The following NF1 variants were observed in gnomAD, a reference collection of about 807,000 sequenced individuals.
The protein encoded by NF1 is neurofibromin.
In NF1, 122 loss-of-function variants were observed where a neutral mutation model predicts 325.7. The observed-to-expected ratio is 0.37, with a 90% CI of 0.32 to 0.44. The LOEUF (loss-of-function observed/expected upper bound fraction) is 0.44. Ranked by LOEUF, NF1 falls within the 20% of genes least tolerant of loss-of-function variation. The pLI is 1.00. For missense variants in NF1, 2,140 were observed against 3,415.4 expected (o/e 0.63, Z 9.31); for synonymous variants, 1,091 against 1,186.0 (o/e 0.92, Z 1.65).
intron 1 of NF1, among the ~76,000 whole-genome samples, chr17:31,149,771 T>A (rs1273037209): frequency 6.6e-6 from 1 of 152,086 alleles, no homozygotes; most frequent in Non-Finnish European, 1.5e-5. Context: ...GTCAAATATA[T>A]CCAGCCACTG....
At chr17:31,366,308 T>C (rs2070519327) in intron 57 of NF1, among the ~76,000 whole-genome samples, 1 of 152,100 alleles carries the variant, frequency 6.6e-6, no homozygotes, top group East Asian at 1.9e-4. Context: ...TTAGTATTGG[T>C]GCGTGAATTT....
chr17:31,225,156 C>G lies in NF1; in HGVS notation c.1907C>G (p.Ser636Cys), dbSNP rs780412565. 7 of 1,613,550 alleles carry G rather than the reference C, an allele frequency of 4.3e-6. No individual in the cohort carries two copies. The highest frequency in any genetic ancestry group is 1.7e-5 in the Admixed American group (1 of 59,970). Residue 636 changes from serine (S) to cysteine (C), a missense_variant, in exon 17 of 58, where the codon TCT (serine) becomes TGT (cysteine). Ser to Cys is a moderately radical substitution (Grantham distance 112, BLOSUM62 -1). Around this residue, in one of 10 missense-constraint regions of NF1, gnomAD observed 45 missense variants for 42.5 expected, o/e 1.06. Transcript: ENST00000358273. The part of the protein sequence containing the change: ...LFYGVGCDIP[S>C]SGNTSQMSMD... The stretch of plus-strand genomic sequence containing the variant: ...TACGGGGTAGGATGTGATATTCCTT[C>G]TAGTGGAAATACCAGTCAAATGTCC...
rs2069670508 is a variant in NF1, at chr17:31,336,422, A to T, written c.6096A>T (p.Ala2032=). The T allele has an allele frequency of 6.2e-7, 1 of 1,614,046 alleles. No homozygotes were observed. Among genetic ancestry groups the T allele is most frequent in the African/African-American group, 1.3e-5 (1 of 74,928 alleles). Residue 2032 remains alanine, a synonymous_variant, in exon 41 of 58, where the codon GCA becomes GCT. Coordinates refer to ENST00000358273, the MANE Select transcript of NF1 (RefSeq NM_001042492.3). This position sits in a 1 kb window ranked among gnomAD's most constrained non-coding sequence, Gnocchi z 5.5. ...GATCAATAAAAGCTGAGGTGATGGC[A>T]GATACTGCTGTAGCTTTGGCTTCTG... is the stretch of plus-strand genomic sequence containing the variant. The part of the protein sequence containing the change: ...GLGSIKAEVM[A]DTAVALASGN...
At chr17:31,152,517 T>C (rs1241270566) in intron 1 of NF1, among the ~76,000 whole-genome samples, 1 of 148,846 alleles carries the variant, frequency 6.7e-6, no homozygotes, top group Non-Finnish European at 1.5e-5. Flanking sequence ...ATTTCTTTTT[T>C]ATATTACAAC....
chr17:31,220,360 A>G (rs527473513), intron 14 of NF1, among the ~76,000 whole-genome samples: 57 of 152,266 alleles, frequency 3.7e-4, no homozygotes, highest in African/African-American at 1.2e-3. Flanking sequence ...AAATTGATAC[A>G]TTTCTTGTAG....
intron 36 of NF1, among the ~76,000 whole-genome samples, chr17:31,282,976 AC>A (rs1209277234): frequency 1.3e-5 from 2 of 152,164 alleles, no homozygotes; most frequent in African/African-American, 4.8e-5. Flanking sequence ...CCTTTTCTAA[AC>A]CATAGCCAAG....
intron 13 of NF1, among the ~76,000 whole-genome samples, chr17:31,217,135 G>A (rs2066832438): frequency 6.6e-6 from 1 of 152,032 alleles, no homozygotes; most frequent in Admixed American, 6.5e-5. Flanking sequence ...TGTGTCTTTG[G>A]CATTCAATAA....
chr17:31,367,889 T>C (rs2070559740), intron 57 of NF1, among the ~76,000 whole-genome samples: 1 of 151,730 alleles, frequency 6.6e-6, no homozygotes, highest in Admixed American at 6.6e-5. Context: ...GTTGAGGCTT[T>C]GGTGAGCTGA....
intron 5 of NF1, among the ~76,000 whole-genome samples, chr17:31,173,001 G>A (rs574494208): frequency 6.6e-6 from 1 of 152,138 alleles, no homozygotes; most frequent in South Asian, 2.1e-4. Context: ...AGAAGTGGAG[G>A]CTGGGCGCAG....
chr17:31,355,034 A>G (rs1454192761), intron 51 of NF1, among the ~76,000 whole-genome samples: 3 of 152,196 alleles, frequency 2.0e-5, no homozygotes, highest in African/African-American at 4.8e-5. Flanking sequence ...CATTTGATAT[A>G]TTTTCAAGAC....
intron 36 of NF1, among the ~76,000 whole-genome samples, chr17:31,273,160 A>G (rs1236900158): frequency 6.6e-6 from 1 of 152,220 alleles, no homozygotes; most frequent in Non-Finnish European, 1.5e-5. Context: ...TGAAATAAAT[A>G]TTGGTATTTT....
chr17:31,098,161 A>C (rs1911940196), intron 1 of NF1, among the ~76,000 whole-genome samples: 1 of 149,692 alleles, frequency 6.7e-6, no homozygotes, highest in Non-Finnish European at 1.5e-5. Flanking sequence ...ATAAGTGATA[A>C]ATGTTTAATT....
intron 35 of NF1, among the ~76,000 whole-genome samples, chr17:31,262,746 G>C (rs934461345): frequency 2.0e-5 from 3 of 152,088 alleles, no homozygotes; most frequent in African/African-American, 7.2e-5. Context: ...GGTATATAGT[G>C]TCCTTTCCAA....
chr17:31,276,018 G>C (rs891701787), intron 36 of NF1, among the ~76,000 whole-genome samples: 4 of 151,964 alleles, frequency 2.6e-5, no homozygotes, highest in African/African-American at 9.7e-5. Context: ...GACCATCCTG[G>C]CTAACACGGT....
chr17:31,261,136 G>C (rs976710382), intron 34 of NF1, among the ~76,000 whole-genome samples: 1 of 151,748 alleles, frequency 6.6e-6, no homozygotes, highest in African/African-American at 2.4e-5. Flanking sequence ...CCAGCTACTC[G>C]GGAGGCTGAG....
chr17:31,097,937 A>G (rs1197678451), intron 1 of NF1, among the ~76,000 whole-genome samples: 1 of 151,938 alleles, frequency 6.6e-6, no homozygotes, highest in Non-Finnish European at 1.5e-5. Flanking sequence ...ACCTCAGGTG[A>G]TCTGCCCCCC....
At chr17:31,146,556 G>T (rs979611149) in intron 1 of NF1, among the ~76,000 whole-genome samples, 4 of 152,198 alleles carry the variant, frequency 2.6e-5, no homozygotes, top group African/African-American at 9.6e-5. Flanking sequence ...TGCTGCAGGA[G>T]AGGAGAATCT....
intron 1 of NF1, among the ~76,000 whole-genome samples, chr17:31,117,672 CAAAAAAAAAAAAAAAAAA>C (rs780828438): frequency 2.0e-4 from 4 of 19,804 alleles, no homozygotes; most frequent in African/African-American, 2.5e-4. Context: ...AACTCCATCT[CAAAAAAAAAAAAAAAAAA>C]AAAAAAAAAA....
intron 1 of NF1, among the ~76,000 whole-genome samples, chr17:31,110,072 C>T (rs774680147): frequency 1.3e-5 from 2 of 152,050 alleles, no homozygotes; most frequent in Middle Eastern, 3.2e-3. Context: ...TACTAAACAT[C>T]GTGTGATTTC....
Sources: allele counts gnomAD v4.1 joint callset (sites outside exome capture counted in the v4.1 genomes callset), GRCh38; gene constraint gnomAD v4.1.1; regional missense constraint gnomAD v4.1.1; non-coding constraint Gnocchi (gnomAD v3.1); transcripts MANE v1.5; gene names NCBI Gene and HGNC (gene_info 2026-07-23, HGNC 2026-07-21).